OTUD4: variants seen among roughly 807,000 people sequenced by gnomAD.
The protein encoded by OTUD4 is OTU deubiquitinase 4.
OTUD4 carries 24 observed loss-of-function variants against 130.4 expected under a neutral mutation model. That is an observed-to-expected ratio of 0.18 (90% CI 0.13 to 0.26). The LOEUF is 0.26. Among genes scored for constraint, OTUD4 ranks in the 10% least tolerant of loss-of-function variants. OTUD4 has a pLI of 1.00. For synonymous variants in OTUD4, 420 were observed against 472.5 expected, an observed-to-expected ratio of 0.89 and a Z score of 1.44; for missense variants, 1,031 against 1,329.4, an observed-to-expected ratio of 0.78 and a Z score of 3.49.
At chr4:145,159,252 A>G (rs1164225419) in intron 7 of OTUD4, 1 of 1,278,054 alleles carries the variant, frequency 7.8e-7, no homozygotes, top group Admixed American at 4.0e-5. Flanking sequence ...TTATTCTACA[A>G]ATATGCATCT....
chr4:145,177,886 A>C (rs1435060318), intron 1 of OTUD4, among the ~76,000 whole-genome samples: 1 of 152,162 alleles, frequency 6.6e-6, no homozygotes, highest in Non-Finnish European at 1.5e-5. Context: ...AAAAAATATA[A>C]ATTATTGGTA....
At position 145,135,506 on chromosome 4, in the gene OTUD4, TA is replaced by T. The variant is rs1040049886; in HGVS notation, c.*1923del. ...TAAAATCAGGTAAGCTAGTCCTACA[TA>T]AAAAAGCATGAGCTGAAAGTGGAGG... On this transcript the variant is annotated 3_prime_UTR_variant, in exon 21 of 21. Coordinates refer to ENST00000447906, the MANE Select transcript of OTUD4 (RefSeq NM_001366057.1). 1 of 152,188 alleles carries T rather than the reference TA, an allele frequency of 6.6e-6. No individual in the cohort carries two copies. The highest frequency in any genetic ancestry group is 6.5e-5 in the Admixed American group (1 of 15,274). 9.4% of individuals were successfully genotyped at this position (152,188 alleles called of 1,614,324 possible).
chr4:145,143,326 G>T (rs1750651495), intron 17 of OTUD4, 39 bp downstream of exon 17: 3 of 1,249,614 alleles, frequency 2.4e-6, no homozygotes, highest in African/African-American at 1.5e-5. Flanking sequence ...GAAACCCAGA[G>T]AGTGGAGCAT....
chr4:145,162,405 T>A (rs906756805), intron 6 of OTUD4, among the ~76,000 whole-genome samples: 4 of 151,958 alleles, frequency 2.6e-5, no homozygotes, highest in Admixed American at 2.0e-4. Flanking sequence ...TACAAAAAAA[T>A]TAGCCAGGCG....
chr4:145,160,607 G>A (rs1276586907), intron 6 of OTUD4, among the ~76,000 whole-genome samples: 1 of 152,170 alleles, frequency 6.6e-6, no homozygotes, highest in Non-Finnish European at 1.5e-5. Flanking sequence ...GAGGTCAGGA[G>A]TTCAAGACCA....
intron 4 of OTUD4, 57 bp from the exon 5 acceptor site, chr4:145,164,283 T>TA (rs1751737326): frequency 1.2e-6 from 1 of 826,036 alleles, no homozygotes; most frequent in Middle Eastern, 3.3e-4. Flanking sequence ...AATTTGAATT[T>TA]AATCATTCAT....
rs1553996309 is a variant in OTUD4, at chr4:145,136,467, G to GGGT, written c.*962_*963insACC. On this transcript the variant is annotated 3_prime_UTR_variant, in exon 21 of 21. Transcript: ENST00000447906. ...AGTGATACACAACCAATGGTGCGGGGGGGGGGGGGAGGAAGAAAACAACTC... is the reference window on the plus strand; with the variant it reads ...AGTGATACACAACCAATGGTGCGGGGGGTGGGGGGGGGAGGAAGAAAACAACTC... The GGGT allele has an allele frequency of 1.9e-5, 1 of 53,446 alleles. No individual in the cohort carries two copies. Among genetic ancestry groups the GGGT allele is most frequent in the Non-Finnish European group, 3.8e-5 (1 of 26,084 alleles). The allele number at this position is 53,446 out of a possible 1,614,324, so 3.3% of individuals were successfully genotyped here.
At chr4:145,161,401 A>G (rs1751558338) in intron 6 of OTUD4, among the ~76,000 whole-genome samples, 1 of 152,252 alleles carries the variant, frequency 6.6e-6, no homozygotes, top group Non-Finnish European at 1.5e-5. Context: ...TTAATTATTT[A>G]AAATAGTGTA....
rs1416068415 is a variant in OTUD4, at chr4:145,146,332, T to C, written c.1357A>G (p.Ile453Val). The C allele has an allele frequency of 1.1e-5, 17 of 1,598,108 alleles. No homozygotes were observed. Among genetic ancestry groups the C allele is most frequent in the Admixed American group, 5.3e-5 (3 of 56,312 alleles). ...TCATAGAGTAAACGGGATTCTTCTA[T>C]AGCTTGCTTCTCTCTGCGCTCTTCT... The part of the protein sequence containing the change: ...SPEERREKQA[I>V]EESRLLYEIQ... Residue 453 changes from isoleucine to valine, a missense_variant, in exon 14 of 21, where the codon ATA becomes GTA. By Grantham distance (29) the Ile-to-Val change is conservative. Around this residue, in one of 3 missense-constraint regions of OTUD4, gnomAD observed 900 missense variants for 1,095.9 expected, o/e 0.82. Coordinates refer to ENST00000447906, the MANE Select transcript of OTUD4 (RefSeq NM_001366057.1).
chr4:145,162,478 G>A (rs767231605), intron 6 of OTUD4, among the ~76,000 whole-genome samples, 162 bp downstream of exon 6: 4 of 152,034 alleles, frequency 2.6e-5, no homozygotes, highest in African/African-American at 9.7e-5. Flanking sequence ...CATGAACCCC[G>A]GAGGCAGAGC....
chr4:145,149,327 C>G (rs1244220531), intron 13 of OTUD4, among the ~76,000 whole-genome samples: 1 of 152,192 alleles, frequency 6.6e-6, no homozygotes, highest in African/African-American at 2.4e-5. Flanking sequence ...CCTTCGGAGA[C>G]AGCATGGCCC....
intron 2 of OTUD4, 89 bp from the exon 3 acceptor site, chr4:145,171,809 ACT>A: frequency 1.4e-6 from 1 of 731,692 alleles, no homozygotes; most frequent in Non-Finnish European, 2.5e-6. Context: ...ACTGTGAATT[ACT>A]GAGTTTGTAC....
rs896607280 is a variant in OTUD4, at chr4:145,134,457, G to C, written c.*2973C>G. 5.4e-6 allele frequency: 2 copies of C among 369,376 alleles called. No individual in the cohort carries two copies. The highest frequency in any genetic ancestry group is 4.2e-5 in the African/African-American group (2 of 48,068). The allele number at this position is 369,376 out of a possible 1,614,324, so 22.9% of individuals were successfully genotyped here. A position where few individuals can be genotyped will look rare whatever the true frequency, so the allele number is the denominator to read the frequency against. On this transcript the variant is annotated 3_prime_UTR_variant, in exon 21 of 21. Transcript: ENST00000447906. ...GCTGAATGTTTTCTAAACCAGAAAT[G>C]GTTAGAAAGGAACTTTATTGCACCA...
intron 3 of OTUD4, among the ~76,000 whole-genome samples, chr4:145,168,918 A>G (rs1752014096): frequency 6.6e-6 from 1 of 152,278 alleles, no homozygotes; most frequent in Non-Finnish European, 1.5e-5. Context: ...CAGCTGGTAA[A>G]TGTATACACA....
chr4:145,140,612 ATT>A (rs1750513006), intron 19 of OTUD4, among the ~76,000 whole-genome samples: 1 of 152,182 alleles, frequency 6.6e-6, no homozygotes, highest in African/African-American at 2.4e-5. Flanking sequence ...CTTTGAAAGA[ATT>A]TTTTAAACAA....
intron 5 of OTUD4, 81 bp downstream of exon 5, chr4:145,164,073 A>C: frequency 1.5e-6 from 1 of 659,588 alleles, no homozygotes; most frequent in Non-Finnish European, 2.7e-6. Flanking sequence ...AAATCATTTA[A>C]AATTATAGCT....
At chr4:145,158,326 C>G (rs1204204418) in intron 7 of OTUD4, among the ~76,000 whole-genome samples, 2 of 151,694 alleles carry the variant, frequency 1.3e-5, no homozygotes, top group Non-Finnish European at 2.9e-5. Context: ...ACTAAAAGTA[C>G]AAAAAATTAG....
chr4:145,158,395 T>A (rs930128022), intron 7 of OTUD4, among the ~76,000 whole-genome samples: 1 of 151,588 alleles, frequency 6.6e-6, no homozygotes, highest in African/African-American at 2.4e-5. Flanking sequence ...GGCAGGAGAA[T>A]GGCGTGAACC....
chr4:145,176,427 T>C (rs992212733), intron 1 of OTUD4, among the ~76,000 whole-genome samples: 2 of 151,496 alleles, frequency 1.3e-5, no homozygotes, highest in African/African-American at 4.8e-5. Context: ...GGCTCACGCC[T>C]GTAATCCCAG....
Sources: allele counts gnomAD v4.1 joint callset (sites outside exome capture counted in the v4.1 genomes callset), GRCh38; gene constraint gnomAD v4.1.1; regional missense constraint gnomAD v4.1.1; transcripts MANE v1.5; gene names NCBI Gene and HGNC (gene_info 2026-07-23, HGNC 2026-07-21).